MKI67: variants seen among roughly 807,000 people sequenced by gnomAD.
MKI67 encodes proliferation marker protein Ki-67.
Under a neutral mutation model 233.5 loss-of-function variants are expected in MKI67, and 152 were observed. The ratio of observed to expected loss-of-function variants is 0.65; its 90% CI spans 0.57 to 0.74. MKI67 has a LOEUF of 0.74. Ranked by LOEUF, MKI67 falls within the 30% of genes least tolerant of loss-of-function variation. MKI67 has a pLI of 0.00. For synonymous variants in MKI67, 1,465 were observed against 1,418.5 expected, an observed-to-expected ratio of 1.03 and a Z score of -0.74; for missense variants, 3,940 against 3,885.2, an observed-to-expected ratio of 1.01 and a Z score of -0.37.
intron 14 of MKI67, 133 bp downstream of exon 14, chr10:128,101,125 T>C: frequency 2.5e-6 from 2 of 798,264 alleles, no homozygotes; most frequent in Non-Finnish European, 2.0e-6. Flanking sequence ...ATAATGCTCC[T>C]TCCATTAATG....
In MKI67 at chr10:128,106,150, G is replaced by A. The variant is rs761384579; in HGVS notation, c.5690C>T (p.Thr1897Ile). ...EEEFLAFRKLTPSAGKAMHTP... is the reference protein window; with the variant it reads ...EEEFLAFRKLIPSAGKAMHTP... ...GTGCATGGCTTTGCCTGCTGATGGT[G>A]TTAGTTTCCTGAATGCTAAAAATTC... Residue 1897 changes from threonine to isoleucine, a missense_variant, in exon 13 of 15, where the codon ACA becomes ATA. By Grantham distance (89) the Thr-to-Ile change is moderately conservative. Transcript: ENST00000368654. The A allele has an allele frequency of 6.2e-7, 1 of 1,613,990 alleles. No individual in the cohort carries two copies. The highest frequency in any genetic ancestry group is 1.7e-5 in the Admixed American group (1 of 59,984).
intron 4 of MKI67, among the ~76,000 whole-genome samples, chr10:128,121,419 T>C (rs1276925946): frequency 1.4e-5 from 2 of 141,992 alleles, no homozygotes; most frequent in African/African-American, 5.1e-5. Context: ...ATATGTATTA[T>C]ATATACCATA....
Position 128,102,947 on chromosome 10 carries a change from C to T in MKI67, c.8893G>A (p.Ala2965Thr), listed in dbSNP as rs1251248026. Residue 2965 changes from alanine to threonine, a missense_variant, in exon 13 of 15, where the codon GCC (alanine) becomes ACC (threonine). Physicochemically the swap from Ala to Thr is moderately conservative, Grantham distance 58. Transcript: ENST00000368654. The stretch of plus-strand genomic sequence containing the variant: ...TCTCCCACGGGTTCTACTTTAGGGG[C>T]CCGAAGAACTCTTCTGGATATTTTT... Reference protein sequence around the residue: ...PLKISRRVLRAPKVEPVGDVV... With the variant: ...PLKISRRVLRTPKVEPVGDVV... The T allele has an allele frequency of 3.1e-6, 5 of 1,614,094 alleles. No individual in the cohort carries two copies. The highest frequency in any genetic ancestry group is 1.7e-5 in the Admixed American group (1 of 60,016).
At position 128,104,651 on chromosome 10, in the gene MKI67, C is replaced by G. The variant is rs761106398; in HGVS notation, c.7189G>C (p.Glu2397Gln). 17 of 1,613,722 alleles carry G rather than the reference C, an allele frequency of 1.1e-5. No individual in the cohort carries two copies. The highest frequency in any genetic ancestry group is 6.7e-5 in the East Asian group (3 of 44,848). ...TCCACAAATGTGTTGATATTTTTCTCATCACTTACTGCTGGTTTTGGTGTG... is the reference window on the plus strand; with the variant it reads ...TCCACAAATGTGTTGATATTTTTCTGATCACTTACTGCTGGTTTTGGTGTG... Reference protein sequence around the residue: ...MDTPKPAVSDEKNINTFVETP... With the variant: ...MDTPKPAVSDQKNINTFVETP... Residue 2397 changes from glutamate (E) to glutamine (Q), a missense_variant, in exon 13 of 15, where the codon GAG becomes CAG. Physicochemically the swap from Glu to Gln is conservative, Grantham distance 29 (BLOSUM62 2). Transcript: ENST00000368654.
intron 6 of MKI67, 23 bp from the exon 7 acceptor site, chr10:128,116,030 A>G: frequency 6.5e-7 from 1 of 1,540,088 alleles, no homozygotes; most frequent in Non-Finnish European, 8.7e-7. Context: ...TTATGAAATA[A>G]GAAACAGAAG....
Position 128,110,521 on chromosome 10 carries a change from A to C in MKI67, c.2273T>G (p.Met758Arg). The change falls in exon 12 of 15, where the codon ATG (methionine) becomes AGG (arginine). Residue 758 changes from methionine to arginine, a missense_variant. Coordinates refer to ENST00000368654, the MANE Select transcript of MKI67 (RefSeq NM_002417.5). The part of the protein sequence containing the change: ...FKEDLSGIAE[M>R]FKTPVKEQPQ... The stretch of plus-strand genomic sequence containing the variant: ...TTGCTCCTTCACTGGGGTCTTGAAC[A>C]TTTCAGCTATTCCTGTTAAATGAAA... 6.5e-7 allele frequency: 1 copy of C among 1,547,966 alleles called. No individual in the cohort carries two copies.
Position 128,101,702 on chromosome 10 carries a change from C to G in MKI67, c.9262-1G>C. The stretch of plus-strand genomic sequence containing the variant: ...GGCGTCTGGAGCGCAGGGATATTCC[C>G]TAAAGAAATGAGAAGACATCCACAA... On this transcript the variant is annotated splice_acceptor_variant, in intron 13 of 14. Coordinates refer to ENST00000368654, the MANE Select transcript of MKI67 (RefSeq NM_002417.5). LOFTEE classifies it high-confidence loss of function. 1 of 1,568,876 alleles carries G rather than the reference C, an allele frequency of 6.4e-7. No homozygotes were observed. Among genetic ancestry groups the G allele is most frequent in the South Asian group, 1.2e-5 (1 of 83,840 alleles).
Position 128,116,521 on chromosome 10 carries a change from C to T in MKI67, c.370G>A (p.Val124Ile). The T allele has an allele frequency of 6.2e-7, 1 of 1,614,106 alleles. No homozygotes were observed. Among genetic ancestry groups the T allele is most frequent in the Non-Finnish European group, 8.5e-7 (1 of 1,179,960 alleles). Reference sequence around the variant, plus strand: ...TCAGAAGAGAAGCTAGATCTTGAGACACGACGTGCTGGCTCCTGTAAGTTG... The same window carrying T: ...TCAGAAGAGAAGCTAGATCTTGAGATACGACGTGCTGGCTCCTGTAAGTTG... ...KIREQEPARRVSRSSFSSDPD... is the reference protein window; with the variant it reads ...KIREQEPARRISRSSFSSDPD... Residue 124 changes from valine (V) to isoleucine (I), a missense_variant, in exon 6 of 15, where the codon GTC (valine) becomes ATC (isoleucine). Val to Ile is a conservative substitution (Grantham distance 29, BLOSUM62 3). Transcript: ENST00000368654.
In MKI67 at chr10:128,116,493, G is replaced by T; in HGVS notation, c.398C>A (p.Pro133His). 6.2e-7 allele frequency: 1 copy of T among 1,613,892 alleles called. No homozygotes were observed. Among genetic ancestry groups the T allele is most frequent in the South Asian group, 1.1e-5 (1 of 91,082 alleles). Reference sequence around the variant, plus strand: ...AACAAAACCCAACCACTACTCACCAGGGTCAGAAGAGAAGCTAGATCTTGA... The same window carrying T: ...AACAAAACCCAACCACTACTCACCATGGTCAGAAGAGAAGCTAGATCTTGA... ...RVSRSSFSSD[P>H]DEKAQDSKAY... The change falls in exon 6 of 15, where the codon CCT (proline) becomes CAT (histidine). Residue 133 changes from proline to histidine, a missense_variant and splice_region_variant. Physicochemically the swap from Pro to His is moderately conservative, Grantham distance 77. Transcript: ENST00000368654.
chr10:128,107,435 C>T lies in MKI67; in HGVS notation c.4405G>A (p.Gly1469Ser). Residue 1469 changes from glycine to serine, a missense_variant, in exon 13 of 15, where the codon GGC (glycine) becomes AGC (serine). Transcript: ENST00000368654. The part of the protein sequence containing the change: ...EKAQPLEDLA[G>S]LKELFQTPVC... ...GGTGTCTGGAAGAGCTCTTTCAAGC[C>T]AGCCAGGTCTTCTAGGGGTTGGGCC... 2 of 1,614,132 alleles carry T rather than the reference C, an allele frequency of 1.2e-6. No individual in the cohort carries two copies. The highest frequency in any genetic ancestry group is 1.1e-5 in the South Asian group (1 of 91,078).
chr10:128,110,878 G>T (rs1223545245), intron 11 of MKI67, among the ~76,000 whole-genome samples: 1 of 152,232 alleles, frequency 6.6e-6, no homozygotes, highest in Non-Finnish European at 1.5e-5. Flanking sequence ...TCCCTGCTAG[G>T]ATCTAGAGGC....
Position 128,104,732 on chromosome 10 carries a change from C to T in MKI67, c.7108G>A (p.Glu2370Lys). Residue 2370 changes from glutamate to lysine, a missense_variant, in exon 13 of 15, where the codon GAG becomes AAG. Glu to Lys is a moderately conservative substitution (Grantham distance 56, BLOSUM62 1). Coordinates refer to ENST00000368654, the MANE Select transcript of MKI67 (RefSeq NM_002417.5). The part of the protein sequence containing the change: ...PKRNLRKADV[E>K]EEFLALRKRT... Reference sequence around the variant, plus strand: ...TTCCTGAGTGCTAAAAATTCTTCCTCTACGTCTGCTTTCCTGAGGTTTCTC... The same window carrying T: ...TTCCTGAGTGCTAAAAATTCTTCCTTTACGTCTGCTTTCCTGAGGTTTCTC... 1 of 1,613,960 alleles carries T rather than the reference C, an allele frequency of 6.2e-7. No individual in the cohort carries two copies. The highest frequency in any genetic ancestry group is 8.5e-7 in the Non-Finnish European group (1 of 1,179,990).
chr10:128,121,250 T>C (rs1852929780), intron 4 of MKI67, among the ~76,000 whole-genome samples: 1 of 150,882 alleles, frequency 6.6e-6, no homozygotes, highest in South Asian at 2.1e-4. Flanking sequence ...AGTAGGTGAT[T>C]TGAACATATC....
At position 128,105,620 on chromosome 10, in the gene MKI67, C is replaced by T. The variant is rs774228996; in HGVS notation, c.6220G>A (p.Glu2074Lys). The T allele has an allele frequency of 6.2e-7, 1 of 1,613,802 alleles. No homozygotes were observed. Among genetic ancestry groups the T allele is most frequent in the African/African-American group, 1.3e-5 (1 of 74,908 alleles). The change falls in exon 13 of 15, where the codon GAA (glutamate) becomes AAA (lysine). Residue 2074 changes from glutamate to lysine, a missense_variant. Glu to Lys is a moderately conservative substitution (Grantham distance 56, BLOSUM62 1). Coordinates refer to ENST00000368654, the MANE Select transcript of MKI67 (RefSeq NM_002417.5). Reference sequence around the variant, plus strand: ...AGCTCTTTGAAGCCGGCCAGGTCTTCTAGTGATTGGGCCTCTTCCTTAGGT... The same window carrying T: ...AGCTCTTTGAAGCCGGCCAGGTCTTTTAGTGATTGGGCCTCTTCCTTAGGT... ...RTPKEEAQSL[E>K]DLAGFKELFQ...
chr10:128,124,055 G>C lies in MKI67; in HGVS notation c.93-886C>G, dbSNP rs968865658. Among the ~76,000 whole-genome samples the C allele has an allele frequency of 3.3e-5, 5 of 152,132 alleles. No individual in the cohort carries two copies. The South Asian group carries it at 1.0e-3, about 32-fold the overall frequency. ...ATCTCTCTTCCTACCCAGGTCATGT[G>C]ACCAAACACTTAGGAATTATTTCTA... On this transcript the variant is annotated intron_variant, in intron 2 of 14. Coordinates refer to ENST00000368654, the MANE Select transcript of MKI67 (RefSeq NM_002417.5).
chr10:128,102,704 C>T lies in MKI67; in HGVS notation c.9136G>A (p.Val3046Ile), dbSNP rs1418320976. 1 of 1,614,226 alleles carries T rather than the reference C, an allele frequency of 6.2e-7. No individual in the cohort carries two copies. Among genetic ancestry groups the T allele is most frequent in the Admixed American group, 1.7e-5 (1 of 60,020 alleles). ...RARGKSSEPV[V>I]IMKRSLRTSA... Reference sequence around the variant, plus strand: ...GTCCTCAAACTTCTCTTCATGATGACCACGGGTTCGGATGATTTGCCTCTT... The same window carrying T: ...GTCCTCAAACTTCTCTTCATGATGATCACGGGTTCGGATGATTTGCCTCTT... Residue 3046 changes from valine (V) to isoleucine (I), a missense_variant, in exon 13 of 15, where the codon GTC becomes ATC. Physicochemically the swap from Val to Ile is conservative, Grantham distance 29. Coordinates refer to ENST00000368654, the MANE Select transcript of MKI67 (RefSeq NM_002417.5).
chr10:128,107,556 A>T lies in MKI67; in HGVS notation c.4284T>A (p.Asp1428Glu), dbSNP rs141964620. ...TTTCCCTAAACGCGTTGATGCTTTTATCCTCACCTCCTGGTACTTTATCTG... is the reference window on the plus strand; with the variant it reads ...TTTCCCTAAACGCGTTGATGCTTTTTTCCTCACCTCCTGGTACTTTATCTG... ...THTDKVPGGEDKSINAFRETA... is the reference protein window; with the variant it reads ...THTDKVPGGEEKSINAFRETA... Residue 1428 changes from aspartate (D) to glutamate (E), a missense_variant, in exon 13 of 15, where the codon GAT becomes GAA. Asp to Glu is a conservative substitution (Grantham distance 45). Transcript: ENST00000368654. The T allele has an allele frequency of 5.6e-4, 896 of 1,613,840 alleles. No individual in the cohort carries two copies. Among genetic ancestry groups the T allele is most frequent in the Non-Finnish European group, 7.1e-4 (838 of 1,179,998 alleles).
At chr10:128,118,041 G>A (rs1318661149) in intron 5 of MKI67, among the ~76,000 whole-genome samples, 4 of 152,186 alleles carry the variant, frequency 2.6e-5, no homozygotes, top group Admixed American at 6.5e-5. Flanking sequence ...TTCCAGCACG[G>A]GAACTGATGA....
Position 128,105,056 on chromosome 10 carries a change from C to T in MKI67, c.6784G>A (p.Val2262Ile), listed in dbSNP as rs142704294. Residue 2262 changes from valine to isoleucine, a missense_variant, in exon 13 of 15, where the codon GTA (valine) becomes ATA (isoleucine). Transcript: ENST00000368654. Reference sequence around the variant, plus strand: ...TTGGGTGTGTCCATAGCTTTCCCTACTGATGGTGTTCGTTTCCTGAGTGCT... The same window carrying T: ...TTGGGTGTGTCCATAGCTTTCCCTATTGATGGTGTTCGTTTCCTGAGTGCT... ...SLALRKRTPS[V>I]GKAMDTPKPA... The T allele has an allele frequency of 2.5e-6, 4 of 1,613,966 alleles. No homozygotes were observed. Among genetic ancestry groups the T allele is most frequent in the Non-Finnish European group, 3.4e-6 (4 of 1,180,006 alleles).
Sources: gnomAD v4.1 joint callset for allele counts (sites outside exome capture counted in the v4.1 genomes callset) on GRCh38, gnomAD v4.1.1 for gene constraint, MANE v1.5 for transcripts, NCBI Gene and HGNC (gene_info 2026-07-23, HGNC 2026-07-21) for gene names.